The following AGAP1 variants were observed in gnomAD, a reference collection of about 807,000 sequenced individuals.
AGAP1 encodes ArfGAP with GTPase domain, ankyrin repeat and PH domain 1.
AGAP1 carries 29 observed loss-of-function variants against 105.3 expected under a neutral mutation model. The ratio of observed to expected loss-of-function variants is 0.28; its 90% confidence interval spans 0.21 to 0.38. The LOEUF (loss-of-function observed/expected upper bound fraction) is 0.38, where lower values mean the gene tolerates loss of function less well. Ranked by LOEUF, AGAP1 falls within the 10% of genes least tolerant of loss-of-function variation. The pLI, the probability that AGAP1 is intolerant of heterozygous loss-of-function variation, is 1.00. For synonymous variants in AGAP1, 509 were observed against 485.9 expected, an observed-to-expected ratio of 1.05 and a Z score of -0.63; for missense variants, 998 against 1,165.1, an observed-to-expected ratio of 0.86 and a Z score of 2.09.
At position 235,655,058 on chromosome 2, in the gene AGAP1, C is replaced by A. The variant is rs1209499722; in HGVS notation, c.164-54121C>A. Among the ~76,000 whole-genome samples the A allele has an allele frequency of 2.7e-5, 4 of 149,926 alleles. No homozygotes were observed. Among genetic ancestry groups the A allele is most frequent in the African/African-American group, 9.7e-5 (4 of 41,040 alleles). On this transcript the variant is annotated intron_variant, in intron 1 of 17. Coordinates refer to ENST00000304032, the MANE Select transcript of AGAP1 (RefSeq NM_001037131.3). This position sits in a 1 kb window ranked among gnomAD's most constrained non-coding sequence, Gnocchi z 4.3. ...GAATAAAGAATATTAATTACTATAT[C>A]CAGAATGATCCTCTTTTTTTTTTTT...
rs891521067 is a variant in AGAP1 at position 235,494,179 on chromosome 2, C to G, written c.-508C>G. ...GCACGGCGGGCTCGCGCGGGGGCCCCGGCGCGCCGGGCGGCGCAGTACGCA... is the reference window on the plus strand; with the variant it reads ...GCACGGCGGGCTCGCGCGGGGGCCCGGGCGCGCCGGGCGGCGCAGTACGCA... On this transcript the variant is annotated 5_prime_UTR_variant, in exon 1 of 18. Coordinates refer to ENST00000304032, the MANE Select transcript of AGAP1 (RefSeq NM_001037131.3). The G allele has an allele frequency of 3.0e-4, 44 of 144,452 alleles. No individual in the cohort carries two copies. Among genetic ancestry groups the G allele is most frequent in the African/African-American group, 1.1e-3 (44 of 40,262 alleles). The allele number at this position is 144,452 out of a possible 1,614,324, so 8.9% of individuals were successfully genotyped here.
chr2:236,060,933 C>T (rs1385826798), intron 16 of AGAP1, among the ~76,000 whole-genome samples: 1 of 151,948 alleles, frequency 6.6e-6, no homozygotes, highest in African/African-American at 2.4e-5. Context: ...CACAGTGGGG[C>T]ACACCTGTAG....
rs1949503237 is a variant in AGAP1, at chr2:235,687,330, G to T, written c.164-21849G>T. ...CTTTGGAAGGAGATTAAGTTCTCCG[G>T]TTCCATCAGGTGTAATGATTTCAGT... On this transcript the variant is annotated intron_variant, in intron 1 of 17. Coordinates refer to ENST00000304032, the MANE Select transcript of AGAP1 (RefSeq NM_001037131.3). Among the ~76,000 whole-genome samples, 3 of 152,260 alleles carry T rather than the reference G, an allele frequency of 2.0e-5. No homozygotes were observed. The South Asian group carries it at 6.2e-4, about 32-fold the overall frequency.
chr2:235,569,613 G>A lies in AGAP1; in HGVS notation c.163+74764G>A, dbSNP rs1944455080. On this transcript the variant is annotated intron_variant, in intron 1 of 17. Coordinates refer to ENST00000304032, the MANE Select transcript of AGAP1 (RefSeq NM_001037131.3). The surrounding 1 kb of genome is among the most constrained non-coding windows in gnomAD (Gnocchi z 5.9). ...TCCTGTGGATAGGTTTGGAGGATTC[G>A]AAGGACATCCCTGGAGGGGCTGTGC... Among the ~76,000 whole-genome samples the A allele has an allele frequency of 6.6e-6, 1 of 152,158 alleles. No homozygotes were observed. Among genetic ancestry groups the A allele is most frequent in the African/African-American group, 2.4e-5 (1 of 41,440 alleles).
At chr2:235,929,087 T>C (rs1227403205) in intron 11 of AGAP1, among the ~76,000 whole-genome samples, 1 of 152,176 alleles carries the variant, frequency 6.6e-6, no homozygotes, top group Non-Finnish European at 1.5e-5. Flanking sequence ...AGACCCTACA[T>C]GTAAGCAGGG....
At chr2:235,985,792 G>T (rs183307042) in intron 13 of AGAP1, among the ~76,000 whole-genome samples, 54 of 152,158 alleles carry the variant, frequency 3.5e-4, no homozygotes, top group Non-Finnish European at 5.7e-4. Context: ...ATGTGTGGTG[G>T]TATTTCTGAG....
At chr2:235,671,045 T>C (rs2149359942) in intron 1 of AGAP1, 1 of 1,283,634 alleles carries the variant, frequency 7.8e-7, no homozygotes, top group Non-Finnish European at 9.8e-7. Flanking sequence ...CATCGACGGC[T>C]CCCCGCGCAG....
At position 235,799,210 on chromosome 2, in the gene AGAP1, A is replaced by G. The variant is rs1245800113; in HGVS notation, c.802-157A>G. On this transcript the variant is annotated intron_variant, in intron 7 of 17. Transcript: ENST00000304032. The surrounding 1 kb of genome is among the most constrained non-coding windows in gnomAD (Gnocchi z 5.0). ...CAGGATGAGACTCTGTAGACATGAC[A>G]CTAATACACCTGGCAAAGCCATAGA... is the stretch of plus-strand genomic sequence containing the variant. Among the ~76,000 whole-genome samples, 3 of 152,226 alleles carry G rather than the reference A, an allele frequency of 2.0e-5. No homozygotes were observed. Among genetic ancestry groups the G allele is most frequent in the Admixed American group, 1.3e-4 (2 of 15,288 alleles).
At chr2:236,065,566 T>C (rs2058324131) in intron 16 of AGAP1, among the ~76,000 whole-genome samples, 1 of 152,158 alleles carries the variant, frequency 6.6e-6, no homozygotes, top group South Asian at 2.1e-4. Context: ...TGGGTGATTA[T>C]CGAAAGGGAG....
intron 1 of AGAP1, among the ~76,000 whole-genome samples, chr2:235,531,718 C>T (rs1943051939): frequency 6.6e-6 from 1 of 151,836 alleles, no homozygotes; most frequent in South Asian, 2.1e-4. Flanking sequence ...AGCAATTCTC[C>T]CGTCTCAGCC....
chr2:235,986,452 A>G (rs918212851), intron 13 of AGAP1, among the ~76,000 whole-genome samples: 1 of 152,214 alleles, frequency 6.6e-6, no homozygotes, highest in South Asian at 2.1e-4. Flanking sequence ...TCCTATCTGC[A>G]TACCCTTTAT....
chr2:235,494,893 C>CCGCGG (rs1559199752), intron 1 of AGAP1, 44 bp downstream of exon 1: 2 of 1,524,956 alleles, frequency 1.3e-6, no homozygotes, highest in Non-Finnish European at 1.8e-6. Context: ...GCACGGACGC[C>CCGCGG]CGCGGCGCGG....
intron 9 of AGAP1, among the ~76,000 whole-genome samples, chr2:235,815,625 C>T (rs552455316): frequency 6.6e-6 from 1 of 152,260 alleles, no homozygotes; most frequent in African/African-American, 2.4e-5. Flanking sequence ...CTTAGGCCTT[C>T]CTGGTCATAT....
At position 235,988,995 on chromosome 2, in the gene AGAP1, C is replaced by T. The variant is rs1028226699; in HGVS notation, c.1645+20372C>T. Among the ~76,000 whole-genome samples, 11 of 152,190 alleles carry T rather than the reference C, an allele frequency of 7.2e-5. No individual in the cohort carries two copies. The highest frequency in any genetic ancestry group is 2.2e-4 in the African/African-American group (9 of 41,448). ...TCTTCCGAGGAATGCACAGACCACA[C>T]GTTGTCAGGCTTCCCTTGGCCAATA... On this transcript the variant is annotated intron_variant, in intron 13 of 17. Coordinates refer to ENST00000304032, the MANE Select transcript of AGAP1 (RefSeq NM_001037131.3). This position sits in a 1 kb window ranked among gnomAD's most constrained non-coding sequence, Gnocchi z 4.7.
chr2:236,089,463 C>T lies in AGAP1; in HGVS notation c.2115-30729C>T, dbSNP rs1220636811. Among the ~76,000 whole-genome samples the T allele has an allele frequency of 6.6e-6, 1 of 152,212 alleles. No individual in the cohort carries two copies. ...CGCCTACTAGGCTGCCGGGTACTGGCAGAAGAGAGTGAGCGTAGCAACTGG... is the reference window on the plus strand; with the variant it reads ...CGCCTACTAGGCTGCCGGGTACTGGTAGAAGAGAGTGAGCGTAGCAACTGG... On this transcript the variant is annotated intron_variant, in intron 16 of 17. Transcript: ENST00000304032. The surrounding 1 kb of genome is among the most constrained non-coding windows in gnomAD (Gnocchi z 5.6).
At position 235,981,314 on chromosome 2, in the gene AGAP1, C is replaced by G. The variant is rs2055085169; in HGVS notation, c.1645+12691C>G. 6.6e-6 allele frequency among the ~76,000 whole-genome samples: 1 copy of G among 151,998 alleles called. No individual in the cohort carries two copies. The highest frequency in any genetic ancestry group is 3.2e-3 in the Middle Eastern group (1 of 316). On this transcript the variant is annotated intron_variant, in intron 13 of 17. Coordinates refer to ENST00000304032, the MANE Select transcript of AGAP1 (RefSeq NM_001037131.3). This position sits in a 1 kb window ranked among gnomAD's most constrained non-coding sequence, Gnocchi z 5.5. ...CTTTGGCTTGATTATTCATTTGGGT[C>G]TTTCTTGCTTTCTTCAGGTAGGAAT...
intron 10 of AGAP1, among the ~76,000 whole-genome samples, chr2:235,899,338 T>C (rs1339603856): frequency 6.6e-6 from 1 of 151,982 alleles, no homozygotes; most frequent in African/African-American, 2.4e-5. Context: ...CATGGTGAAA[T>C]GCCGTTTCTA....
intron 16 of AGAP1, among the ~76,000 whole-genome samples, chr2:236,067,383 T>TCCCC (rs2058374440): frequency 6.6e-6 from 1 of 152,124 alleles, no homozygotes; most frequent in Non-Finnish European, 1.5e-5. Context: ...CACTACGCTT[T>TCCCC]TAAAGGAGAA....
At chr2:235,998,153 A>G (rs532490319) in intron 13 of AGAP1, among the ~76,000 whole-genome samples, 1 of 152,344 alleles carries the variant, frequency 6.6e-6, no homozygotes, top group East Asian at 1.9e-4. Context: ...AGAAGACTGC[A>G]TAAGTGCCCA....
Sources: allele counts gnomAD v4.1 joint callset (sites outside exome capture counted in the v4.1 genomes callset), GRCh38; gene constraint gnomAD v4.1.1; non-coding constraint Gnocchi (gnomAD v3.1); transcripts MANE v1.5; gene names NCBI Gene and HGNC (gene_info 2026-07-23, HGNC 2026-07-21).